SGPP2: variants seen among roughly 807,000 people sequenced by gnomAD.
The protein encoded by SGPP2 is sphingosine 1-phosphate phosphohydrolase 2.
A neutral mutation model predicts 33.9 loss-of-function variants in SGPP2; 30 were observed. The observed-to-expected ratio is 0.89, with a 90% confidence interval of 0.66 to 1.20. SGPP2 has a LOEUF of 1.20. SGPP2 is among the 50% of genes most tolerant of loss of function. The probability of loss-of-function intolerance (pLI) is 0.00; values close to 1 mark genes in which losing one functional copy is unlikely to be tolerated. For synonymous variants in SGPP2, 233 were observed against 225.0 expected (o/e 1.04, Z -0.32); for missense variants, 458 against 532.1 (o/e 0.86, Z 1.37).
At chr2:222,487,983 C>T (rs183140574) in intron 2 of SGPP2, among the ~76,000 whole-genome samples, 6 of 152,252 alleles carry the variant, frequency 3.9e-5, no homozygotes, top group East Asian at 3.9e-4. Context: ...AGAGAACAAA[C>T]GAATCCACAC....
rs538176751 is a variant in SGPP2, at chr2:222,460,194, T to C, written c.220-14374T>C. ...TCTCTGGGTTTTATCACGTTGTTTTTGTTCCTGTGGTTTCTTGCTAAATAA... is the reference window on the plus strand; with the variant it reads ...TCTCTGGGTTTTATCACGTTGTTTTCGTTCCTGTGGTTTCTTGCTAAATAA... On this transcript the variant is annotated intron_variant, in intron 1 of 4. Coordinates refer to ENST00000321276, the MANE Select transcript of SGPP2 (RefSeq NM_152386.4). This position sits in a 1 kb window ranked among gnomAD's most constrained non-coding sequence, Gnocchi z 4.3. Among the ~76,000 whole-genome samples the C allele has an allele frequency of 6.6e-6, 1 of 152,350 alleles. No homozygotes were observed. Among genetic ancestry groups the C allele is most frequent in the Non-Finnish European group, 1.5e-5 (1 of 68,034 alleles).
chr2:222,468,026 A>G (rs1697777828), intron 1 of SGPP2, among the ~76,000 whole-genome samples: 1 of 147,834 alleles, frequency 6.8e-6, no homozygotes, highest in South Asian at 2.2e-4. Flanking sequence ...ACATTGGTCT[A>G]CAGTTTATCA....
rs199743676 is a variant in SGPP2, at chr2:222,458,364, T to C, written c.220-16204T>C. 5.9e-4 allele frequency among the ~76,000 whole-genome samples: 90 copies of C among 152,240 alleles called. No homozygotes were observed. In the East Asian group the frequency reaches 0.014, roughly 23 times the overall value. The stretch of plus-strand genomic sequence containing the variant: ...GCCACCGTGCCTGGCCCAGTGCCTC[T>C]GTTGAAAGAAACTCTGCTCCTTAAC... On this transcript the variant is annotated intron_variant, in intron 1 of 4. Coordinates refer to ENST00000321276, the MANE Select transcript of SGPP2 (RefSeq NM_152386.4).
chr2:222,473,172 A>G (rs750428058), intron 1 of SGPP2, among the ~76,000 whole-genome samples: 5 of 152,236 alleles, frequency 3.3e-5, no homozygotes, highest in Non-Finnish European at 7.3e-5. Flanking sequence ...CTTCTCTTTC[A>G]TAATCTTTGC....
intron 1 of SGPP2, among the ~76,000 whole-genome samples, chr2:222,435,922 A>C (rs532300105): frequency 3.9e-5 from 6 of 152,250 alleles, no homozygotes; most frequent in African/African-American, 1.4e-4. Flanking sequence ...GAGTGATTCA[A>C]ACCTTCATTC....
At position 222,472,401 on chromosome 2, in the gene SGPP2, C is replaced by T. The variant is rs183614062; in HGVS notation, c.220-2167C>T. Among the ~76,000 whole-genome samples, 305 of 151,984 alleles carry T rather than the reference C, an allele frequency of 2.0e-3. 2 individuals carry two copies. Among genetic ancestry groups the T allele is most frequent in the African/African-American group, 7.1e-3 (293 of 41,452 alleles). ...CAGCCTCTGAGTGGGGGCAACAGGA[C>T]CAGTGGAGTCATGAGTCATGGGTCT... On this transcript the variant is annotated intron_variant, in intron 1 of 4. Transcript: ENST00000321276.
rs535271279 is a variant in SGPP2, at chr2:222,517,604, G to A, written c.379-4163G>A. On this transcript the variant is annotated intron_variant, in intron 2 of 4. Transcript: ENST00000321276. ...AACCCAGGTGCCAAGATGGCACTGA[G>A]CTGGTTAACACTTAAGCTGTCTGTG... 4.6e-5 allele frequency among the ~76,000 whole-genome samples: 7 copies of A among 152,344 alleles called. No individual in the cohort carries two copies. In the South Asian group the frequency reaches 1.5e-3, roughly 32 times the overall value.
intron 1 of SGPP2, among the ~76,000 whole-genome samples, chr2:222,468,448 C>A (rs899546452): frequency 6.6e-6 from 1 of 151,640 alleles, no homozygotes; most frequent in African/African-American, 2.4e-5. Flanking sequence ...CCATTGCATT[C>A]TTTGCAGTTG....
chr2:222,522,628 T>C (rs532612195), intron 3 of SGPP2, among the ~76,000 whole-genome samples: 52 of 152,334 alleles, frequency 3.4e-4, no homozygotes, highest in African/African-American at 1.2e-3. Context: ...TCTAATCTTA[T>C]GTTTAATTTT....
At position 222,562,106 on chromosome 2, in the gene SGPP2, G is replaced by A. The variant is rs1368610142; in HGVS notation, c.*3208G>A. ...AAAAGGCAAGCTCACCACAATGTAA[G>A]CCTATGGTCTGGCCAACCTTGCTTT... On this transcript the variant is annotated 3_prime_UTR_variant, in exon 5 of 5. Transcript: ENST00000321276. Among the ~76,000 whole-genome samples the A allele has an allele frequency of 6.6e-6, 1 of 152,164 alleles. No individual in the cohort carries two copies. The highest frequency in any genetic ancestry group is 1.5e-5 in the Non-Finnish European group (1 of 68,036).
chr2:222,504,304 G>C (rs1698411935), intron 2 of SGPP2: 1 of 152,284 alleles, frequency 6.6e-6, no homozygotes, highest in African/African-American at 2.4e-5. Flanking sequence ...GAGTAATCAT[G>C]ATCTGTGGGG....
chr2:222,535,800 A>G (rs1698905976), intron 4 of SGPP2, among the ~76,000 whole-genome samples: 2 of 152,336 alleles, frequency 1.3e-5, no homozygotes, highest in East Asian at 1.9e-4. Flanking sequence ...CCCTGAGGCT[A>G]GTGGCCAGGC....
chr2:222,492,620 G>A (rs1291127429), intron 2 of SGPP2, among the ~76,000 whole-genome samples: 3 of 152,324 alleles, frequency 2.0e-5, no homozygotes, highest in Admixed American at 2.0e-4. Flanking sequence ...GACATGCTCT[G>A]GAGACGTTTT....
At chr2:222,435,264 G>T (rs1697222659) in intron 1 of SGPP2, among the ~76,000 whole-genome samples, 1 of 151,988 alleles carries the variant, frequency 6.6e-6, no homozygotes. Flanking sequence ...GGGAAGTTAG[G>T]CCAGTCTCTC....
intron 1 of SGPP2, among the ~76,000 whole-genome samples, chr2:222,437,531 G>C (rs1357987591): frequency 6.6e-6 from 1 of 152,190 alleles, no homozygotes; most frequent in Non-Finnish European, 1.5e-5. Flanking sequence ...GTGCAGGCTG[G>C]GGGAGAGAAG....
chr2:222,438,025 G>A (rs566510209), intron 1 of SGPP2, among the ~76,000 whole-genome samples: 1 of 152,314 alleles, frequency 6.6e-6, no homozygotes, highest in East Asian at 1.9e-4. Flanking sequence ...GCCTTCTTCT[G>A]TTCTGGACCC....
chr2:222,424,530 C>A (rs1407884066), upstream of SGPP2: 9 of 1,047,774 alleles, frequency 8.6e-6, 1 homozygote, highest in East Asian at 2.9e-4. Context: ...GGGGGCGAGG[C>A]GGGAGTGGCG....
At chr2:222,496,011 C>T (rs7581707) in intron 2 of SGPP2, among the ~76,000 whole-genome samples, 68,313 of 151,994 alleles carry the variant, frequency 0.45, 16,084 homozygotes, top group Middle Eastern at 0.63. Flanking sequence ...TAGAAATGCC[C>T]GTTCCTCCTT....
At chr2:222,489,901 G>A (rs753018109) in intron 2 of SGPP2, among the ~76,000 whole-genome samples, 28 of 152,138 alleles carry the variant, frequency 1.8e-4, no homozygotes, top group Non-Finnish European at 3.7e-4. Context: ...GGAGATGGAG[G>A]TTGCAGTGAG....
Sources: allele counts gnomAD v4.1 joint callset (sites outside exome capture counted in the v4.1 genomes callset), GRCh38; gene constraint gnomAD v4.1.1; non-coding constraint Gnocchi (gnomAD v3.1); transcripts MANE v1.5; gene names NCBI Gene and HGNC (gene_info 2026-07-23, HGNC 2026-07-21).